The following DLG2 variants were observed in gnomAD, a reference collection of about 807,000 sequenced individuals.
DLG2 encodes the protein discs large MAGUK scaffold protein 2.
Under a neutral mutation model 132.5 loss-of-function variants are expected in DLG2, and 45 were observed. The ratio of observed to expected loss-of-function variants is 0.34; its 90% CI spans 0.27 to 0.44. DLG2 has a LOEUF of 0.44. Ranked by LOEUF, DLG2 falls within the 20% of genes least tolerant of loss-of-function variation. The probability of loss-of-function intolerance (pLI) is 1.00; values close to 1 mark genes in which losing one functional copy is unlikely to be tolerated. For missense variants in DLG2, 1,045 were observed against 1,196.9 expected (o/e 0.87, Z 1.87); for synonymous variants, 424 against 419.6 (o/e 1.01, Z -0.13).
intron 18 of DLG2, among the ~76,000 whole-genome samples, chr11:83,720,313 A>AAAAAAAAAAAAAAAAAAT (rs2088103119): frequency 7.0e-6 from 1 of 142,852 alleles, no homozygotes; most frequent in Non-Finnish European, 1.6e-5. Context: ...AAAAAAAAAA[A>AAAAAAAAAAAAAAAAAAT]AAAAAAAAAA....
chr11:84,271,241 C>A lies in DLG2; in HGVS notation c.520-19950G>T, dbSNP rs551423074. ...ATGCTTGAGATATATTGGCAAATTCCCAATATGTTCTGAAAAGATTTAGAG... is the reference window on the plus strand; with the variant it reads ...ATGCTTGAGATATATTGGCAAATTCACAATATGTTCTGAAAAGATTTAGAG... On this transcript the variant is annotated intron_variant, in intron 7 of 27. Transcript: ENST00000376104. Among the ~76,000 whole-genome samples the A allele has an allele frequency of 2.0e-5, 3 of 152,056 alleles. No homozygotes were observed. The East Asian group carries it at 5.8e-4, about 29-fold the overall frequency.
At chr11:84,254,017 T>G (rs2097426732) in intron 7 of DLG2, among the ~76,000 whole-genome samples, 1 of 152,108 alleles carries the variant, frequency 6.6e-6, no homozygotes, top group South Asian at 2.1e-4. Context: ...TGGTGAAGCC[T>G]TAGTATGTAT....
chr11:84,639,228 G>A (rs2099647953), intron 6 of DLG2, among the ~76,000 whole-genome samples: 3 of 151,800 alleles, frequency 2.0e-5, no homozygotes, highest in Admixed American at 2.0e-4. Context: ...TATAATCTGA[G>A]TGTTATTTTT....
chr11:84,277,129 T>G lies in DLG2; in HGVS notation c.520-25838A>C, dbSNP rs910873611. ...CAAGTAGAAATAGATAAATCCACAA[T>G]TATAATTGAAGATATCAACACCTTT... On this transcript the variant is annotated intron_variant, in intron 7 of 27. Transcript: ENST00000376104. Among the ~76,000 whole-genome samples, 4 of 152,172 alleles carry G rather than the reference T, an allele frequency of 2.6e-5. No individual in the cohort carries two copies. In the South Asian group the frequency reaches 8.3e-4, roughly 32 times the overall value.
At chr11:83,727,905 G>T (rs1162486833) in intron 18 of DLG2, among the ~76,000 whole-genome samples, 2 of 152,148 alleles carry the variant, frequency 1.3e-5, no homozygotes, top group Non-Finnish European at 2.9e-5. Context: ...AAAGGCCACA[G>T]AACTATTATA....
chr11:83,962,224 T>C (rs567750180), intron 14 of DLG2, among the ~76,000 whole-genome samples: 7 of 152,168 alleles, frequency 4.6e-5, no homozygotes, highest in East Asian at 1.9e-4. Flanking sequence ...TGGAGAAAAA[T>C]TGTGGAACAA....
intron 6 of DLG2, among the ~76,000 whole-genome samples, chr11:84,913,936 A>G (rs1392721719): frequency 6.6e-6 from 1 of 152,206 alleles, no homozygotes; most frequent in Non-Finnish European, 1.5e-5. Context: ...GCCAAGATTC[A>G]GAGGTCCATT....
chr11:84,870,193 A>T (rs532788731), intron 6 of DLG2, among the ~76,000 whole-genome samples: 25 of 152,234 alleles, frequency 1.6e-4, no homozygotes, highest in African/African-American at 5.5e-4. Flanking sequence ...CATTTTATGC[A>T]TAATATGAGT....
chr11:83,472,385 C>T (rs968407294), intron 23 of DLG2, among the ~76,000 whole-genome samples: 4 of 152,170 alleles, frequency 2.6e-5, no homozygotes, highest in Admixed American at 2.6e-4. Context: ...ATTCTCAATA[C>T]TGAGCTGACA....
chr11:85,285,229 T>G lies in DLG2; in HGVS notation c.177A>C (p.Lys59Asn), dbSNP rs147704094. 6.2e-7 allele frequency: 1 copy of G among 1,611,364 alleles called. No individual in the cohort carries two copies. The highest frequency in any genetic ancestry group is 1.1e-5 in the South Asian group (1 of 90,834). ...AGTTTCAGTAGTATACCTCTGAAGA[T>G]TTTTGAAGTCTGTCATGGCACGGAG... ...LLAPCHDRLQ[K>N]SSELTDCSGS... Residue 59 changes from lysine (K) to asparagine (N), a missense_variant, in exon 4 of 28, where the codon AAA (lysine) becomes AAC (asparagine). Lys to Asn is a moderately conservative substitution (Grantham distance 94). Coordinates refer to ENST00000376104, the MANE Select transcript of DLG2 (RefSeq NM_001142699.3).
intron 2 of DLG2, among the ~76,000 whole-genome samples, chr11:85,621,462 T>C (rs1440450531): frequency 4.6e-5 from 7 of 152,168 alleles, no homozygotes; most frequent in East Asian, 1.9e-4. Flanking sequence ...CCAAAGTAAA[T>C]TGAAAACCTC....
At chr11:84,002,383 C>A (rs574605218) in intron 11 of DLG2, among the ~76,000 whole-genome samples, 1 of 152,298 alleles carries the variant, frequency 6.6e-6, no homozygotes, top group East Asian at 1.9e-4. Flanking sequence ...GCCCACCCGA[C>A]ATTTCCCTTC....
In DLG2 at chr11:83,457,929, G is replaced by A. The variant is rs1238813741; in HGVS notation, c.*1889C>T. The A allele has an allele frequency of 6.6e-6, 1 of 152,604 alleles. No individual in the cohort carries two copies. The highest frequency in any genetic ancestry group is 1.5e-5 in the Non-Finnish European group (1 of 68,026). 9.5% of individuals were successfully genotyped at this position (152,604 alleles called of 1,614,324 possible). On this transcript the variant is annotated 3_prime_UTR_variant, in exon 28 of 28. Transcript: ENST00000376104. The stretch of plus-strand genomic sequence containing the variant: ...ATGCATAATTTTGCATTTCTGTTTT[G>A]TTTTGGTGACTGTAGCCAGGCAGAC...
At chr11:84,996,601 C>G (rs1040055425) in intron 6 of DLG2, among the ~76,000 whole-genome samples, 1 of 152,012 alleles carries the variant, frequency 6.6e-6, no homozygotes, top group Non-Finnish European at 1.5e-5. Flanking sequence ...TTTATAATGT[C>G]CTATAGCAGT....
At chr11:83,737,252 T>C (rs536555474) in intron 18 of DLG2, among the ~76,000 whole-genome samples, 1 of 152,364 alleles carries the variant, frequency 6.6e-6, no homozygotes, top group South Asian at 2.1e-4. Flanking sequence ...ACAACTCTTT[T>C]ATCAGATGAA....
intron 3 of DLG2, among the ~76,000 whole-genome samples, chr11:85,482,348 C>T (rs977119684): frequency 6.6e-6 from 1 of 152,200 alleles, no homozygotes; most frequent in Non-Finnish European, 1.5e-5. Flanking sequence ...CAGGCAGGCA[C>T]CAAGACCTAA....
chr11:84,084,834 A>C (rs2096953901), intron 10 of DLG2, among the ~76,000 whole-genome samples: 2 of 152,176 alleles, frequency 1.3e-5, no homozygotes, highest in Admixed American at 1.3e-4. Flanking sequence ...CAGTAAGTTC[A>C]ATTGATCAAG....
chr11:84,280,678 A>T lies in DLG2; in HGVS notation c.520-29387T>A, dbSNP rs78585692. On this transcript the variant is annotated intron_variant, in intron 7 of 27. Transcript: ENST00000376104. Reference sequence around the variant, plus strand: ...AGTGACTACAGGGGTTGAACCATACATCTATAAATAACTGTTTTTTTGTTT... The same window carrying T: ...AGTGACTACAGGGGTTGAACCATACTTCTATAAATAACTGTTTTTTTGTTT... 0.017 allele frequency among the ~76,000 whole-genome samples: 2,439 copies of T among 142,966 alleles called. 231 individuals carry two copies. In the East Asian group the frequency reaches 0.28, roughly 16 times the overall value. 93.8% of individuals were successfully genotyped at this position (142,966 alleles called of 152,430 possible).
chr11:85,118,562 G>A (rs1010203460), intron 5 of DLG2, among the ~76,000 whole-genome samples: 1 of 152,020 alleles, frequency 6.6e-6, no homozygotes, highest in African/African-American at 2.4e-5. Flanking sequence ...ATATTTCAGG[G>A]TATCAATGGG....
Sources: allele counts gnomAD v4.1 joint callset (sites outside exome capture counted in the v4.1 genomes callset), GRCh38; gene constraint gnomAD v4.1.1; transcripts MANE v1.5; gene names NCBI Gene and HGNC (gene_info 2026-07-23, HGNC 2026-07-21).